The following DHRS4 variants were observed in gnomAD, a reference collection of about 807,000 sequenced individuals.
DHRS4 encodes the protein dehydrogenase/reductase 4.
DHRS4 carries 20 observed loss-of-function variants against 28.4 expected under a neutral mutation model. That is an observed-to-expected ratio of 0.71 (90% CI 0.50 to 1.02). The LOEUF (loss-of-function observed/expected upper bound fraction) is 1.02, where lower values mean the gene tolerates loss of function less well. Ranked by LOEUF, DHRS4 falls within the 50% of genes least tolerant of loss-of-function variation. DHRS4 has a pLI of 0.00. For missense variants in DHRS4, 378 were observed against 367.2 expected (o/e 1.03, Z -0.24); for synonymous variants, 144 against 146.4 (o/e 0.98, Z 0.12).
intron 3 of DHRS4, among the ~76,000 whole-genome samples, chr14:23,960,511 A>C (rs10141263): frequency 2.6e-5 from 4 of 151,660 alleles, no homozygotes; most frequent in Non-Finnish European, 4.4e-5. Context: ...AAAAACCTAT[A>C]TTATTTTCTT....
intron 7 of DHRS4, among the ~76,000 whole-genome samples, chr14:23,968,472 C>G (rs1489794058): frequency 6.6e-6 from 1 of 150,656 alleles, no homozygotes; most frequent in Non-Finnish European, 1.5e-5. Flanking sequence ...ACCATTTTAT[C>G]TATATAACTT....
intron 2 of DHRS4, among the ~76,000 whole-genome samples, chr14:23,957,960 G>C (rs1474388498): frequency 2.0e-5 from 3 of 151,226 alleles, no homozygotes. Context: ...CAGCAGAGTA[G>C]AAAATGTCTC....
intron 3 of DHRS4, among the ~76,000 whole-genome samples, chr14:23,963,433 T>C (rs1233600102): frequency 1.4e-5 from 2 of 140,884 alleles, no homozygotes; most frequent in African/African-American, 5.6e-5. Flanking sequence ...CACTCGCTGC[T>C]TCATCTTGCA....
At chr14:23,957,267 G>A (rs938874593) in intron 2 of DHRS4, among the ~76,000 whole-genome samples, 1 of 152,170 alleles carries the variant, frequency 6.6e-6, no homozygotes, top group Non-Finnish European at 1.5e-5. Flanking sequence ...TGTCAGAGAG[G>A]AGAATGATAG....
chr14:23,954,017 G>T, intron 1 of DHRS4, 101 bp downstream of exon 1: 2 of 1,493,908 alleles, frequency 1.3e-6, no homozygotes, highest in Non-Finnish European at 1.8e-6. Flanking sequence ...GACCTTACAC[G>T]CTGCCAAAGT....
At chr14:23,955,551 G>A (rs1434907212) in intron 2 of DHRS4, among the ~76,000 whole-genome samples, 3 of 152,064 alleles carry the variant, frequency 2.0e-5, no homozygotes, top group Non-Finnish European at 4.4e-5. Context: ...TCAGCTTATA[G>A]AGTCAAGTCC....
At chr14:23,958,788 C>T (rs2033279118) in intron 2 of DHRS4, among the ~76,000 whole-genome samples, 1 of 152,200 alleles carries the variant, frequency 6.6e-6, no homozygotes, top group South Asian at 2.1e-4. Context: ...AGACTGACCT[C>T]AGTTCTTCCA....
At chr14:23,964,890 T>G (rs941600163) in intron 3 of DHRS4, among the ~76,000 whole-genome samples, 6 of 151,354 alleles carry the variant, frequency 4.0e-5, no homozygotes, top group Non-Finnish European at 7.4e-5. Context: ...AGTTTGTTTT[T>G]TTTTTTTAAT....
intron 6 of DHRS4, 64 bp downstream of exon 6, chr14:23,966,481 G>A: frequency 6.2e-7 from 1 of 1,601,052 alleles, no homozygotes; most frequent in Non-Finnish European, 8.5e-7. Context: ...TCTTGGACAG[G>A]GAAGCCCACT....
Position 23,968,864 on chromosome 14 carries a change from G to A in DHRS4, c.830G>A (p.Arg277His), listed in dbSNP as rs762740127. Residue 277 changes from arginine (R) to histidine (H), a missense_variant, in exon 8 of 8, where the codon CGC (arginine) becomes CAC (histidine). Physicochemically the swap from Arg to His is conservative, Grantham distance 29. Coordinates refer to ENST00000313250, the MANE Select transcript of DHRS4 (RefSeq NM_021004.4). Reference sequence around the variant, plus strand: ...GTGGTGGGTGGAGGAACCCCGTCCCGCCTCTGAGGACCGGGAGACAGCCCA... The same window carrying A: ...GTGGTGGGTGGAGGAACCCCGTCCCACCTCTGAGGACCGGGAGACAGCCCA... Reference protein sequence around the residue: ...TVVVGGGTPSRL With the variant: ...TVVVGGGTPSHL 3.7e-6 allele frequency: 6 copies of A among 1,607,206 alleles called. No individual in the cohort carries two copies. Among genetic ancestry groups the A allele is most frequent in the Middle Eastern group, 3.3e-4 (2 of 6,060 alleles).
intron 2 of DHRS4, among the ~76,000 whole-genome samples, chr14:23,958,200 G>T (rs1261784039): frequency 6.6e-6 from 1 of 151,980 alleles, no homozygotes; most frequent in Admixed American, 6.6e-5. Context: ...TGTAAATTTT[G>T]TTAGATTTAC....
chr14:23,965,751 C>T lies in DHRS4; in HGVS notation c.409-11C>T, dbSNP rs1241007055. The T allele has an allele frequency of 1.9e-5, 30 of 1,595,080 alleles. 1 individual carries two copies. The highest frequency in any genetic ancestry group is 1.2e-4 in the Admixed American group (7 of 59,224). ...CACTCATGCTGTTTCCCCTTCTTCT[C>T]TTGGCTTCAGACTCTGGACATTAAT... On this transcript the variant is annotated splice_polypyrimidine_tract_variant and intron_variant, in intron 3 of 7. Coordinates refer to ENST00000313250, the MANE Select transcript of DHRS4 (RefSeq NM_021004.4).
At position 23,966,396 on chromosome 14, in the gene DHRS4, C is replaced by A. The variant is rs377726588; in HGVS notation, c.645C>A (p.Ile215=). The change falls in exon 6 of 8, where the codon ATC becomes ATA. Residue 215 remains isoleucine, a synonymous_variant. Transcript: ENST00000313250. ...TGAACTGCCTAGCACCTGGACTTAT[C>A]AAGACTAGCTTCAGCAGGATGGTGA... ...IRVNCLAPGL[I]KTSFSRMLWM... is the part of the protein sequence containing the mutation. 272 of 1,613,838 alleles carry A rather than the reference C, an allele frequency of 1.7e-4. No individual in the cohort carries two copies. The highest frequency in any genetic ancestry group is 2.2e-4 in the Non-Finnish European group (260 of 1,179,994).
At chr14:23,960,056 A>T in intron 3 of DHRS4, 53 bp downstream of exon 3, 1 of 1,533,206 alleles carries the variant, frequency 6.5e-7, no homozygotes, top group Non-Finnish European at 9.0e-7. Context: ...GAACACATTC[A>T]GCACAAACTC....
intron 3 of DHRS4, among the ~76,000 whole-genome samples, chr14:23,962,765 T>C (rs1157399636): frequency 6.6e-6 from 1 of 151,066 alleles, no homozygotes; most frequent in African/African-American, 2.5e-5. Flanking sequence ...AAATGGTGCA[T>C]CCTTTACAGA....
chr14:23,964,247 A>ACAAAAAACAAAAAAC (rs1196543992), intron 3 of DHRS4, among the ~76,000 whole-genome samples: 1 of 129,720 alleles, frequency 7.7e-6, no homozygotes, highest in African/African-American at 3.3e-5. Flanking sequence ...AAAAAAAAAA[A>ACAAAAAACAAAAAAC]AAAAAAACAC....
intron 3 of DHRS4, 26 bp downstream of exon 3, chr14:23,960,029 C>T: frequency 1.3e-6 from 2 of 1,506,100 alleles, no homozygotes; most frequent in Admixed American, 1.7e-5. Context: ...AGCAGGGGGG[C>T]CGGGGGGGGC....
chr14:23,954,131 C>T, intron 1 of DHRS4: 1 of 693,522 alleles, frequency 1.4e-6, no homozygotes. Flanking sequence ...CTACCTCTGG[C>T]ACAACTGTGC....
rs1057506628 is a variant in DHRS4 at position 23,963,651 on chromosome 14, C to T, written c.409-2111C>T. Among the ~76,000 whole-genome samples, 8 of 147,116 alleles carry T rather than the reference C, an allele frequency of 5.4e-5. 1 individual carries two copies. The highest frequency in any genetic ancestry group is 8.9e-5 in the Non-Finnish European group (6 of 67,180). Reference sequence around the variant, plus strand: ...ACTTTCTCTCCATATTAACAATAAACCTCTTTTGCTTTCTTATCATTTATA... The same window carrying T: ...ACTTTCTCTCCATATTAACAATAAATCTCTTTTGCTTTCTTATCATTTATA... On this transcript the variant is annotated intron_variant, in intron 3 of 7. Transcript: ENST00000313250.
Sources: gnomAD v4.1 joint callset for allele counts (sites outside exome capture counted in the v4.1 genomes callset) on GRCh38, gnomAD v4.1.1 for gene constraint, MANE v1.5 for transcripts, NCBI Gene and HGNC (gene_info 2026-07-23, HGNC 2026-07-21) for gene names.